Variants in FAM149A observed in about 807,000 individuals in gnomAD.
The protein encoded by FAM149A is family with sequence similarity 149 member A, also known as protein FAM149A.
Under a neutral mutation model 78.2 loss-of-function variants are expected in FAM149A, and 71 were observed. The observed-to-expected ratio is 0.91, with a 90% CI of 0.75 to 1.11. The LOEUF (loss-of-function observed/expected upper bound fraction) is 1.11, where lower values mean the gene tolerates loss of function less well. FAM149A is among the 50% of genes least tolerant of loss of function. The pLI is 0.00. For missense variants in FAM149A, 1,036 were observed against 971.0 expected (o/e 1.07, Z -0.89); for synonymous variants, 446 against 410.5 (o/e 1.09, Z -1.04).
intron 1 of FAM149A, among the ~76,000 whole-genome samples, chr4:186,145,586 A>G (rs1732974782): frequency 6.6e-6 from 1 of 152,202 alleles, no homozygotes; most frequent in Non-Finnish European, 1.5e-5. Flanking sequence ...ACTCTGGATG[A>G]TGATTTTCCT....
rs763087733 is a variant in FAM149A, at chr4:186,152,014, G to A, written c.901G>A (p.Gly301Arg). 15 of 1,613,968 alleles carry A rather than the reference G, an allele frequency of 9.3e-6. No homozygotes were observed. The highest frequency in any genetic ancestry group is 4.4e-5 in the South Asian group (4 of 91,072). The stretch of plus-strand genomic sequence containing the variant: ...GACCCAGAGTCTGCTGGCCGAATGC[G>A]GGGAGTGGACAAGAAGATCCCTCCA... Residue 301 changes from glycine to arginine, a missense_variant, in exon 4 of 14, where the codon GGG (glycine) becomes AGG (arginine). By Grantham distance (125) the Gly-to-Arg change is moderately radical. This residue lies in a region of FAM149A where 716 missense variants were observed against 711.8 expected (regional missense o/e 1.01). Coordinates refer to ENST00000389354, the MANE Select transcript of FAM149A (RefSeq NM_001367768.3).
intron 3 of FAM149A, among the ~76,000 whole-genome samples, chr4:186,151,556 G>C (rs1247752886): frequency 6.6e-6 from 1 of 152,216 alleles, no homozygotes; most frequent in Non-Finnish European, 1.5e-5. Context: ...GCCTGTGTTT[G>C]CAGACATACA....
chr4:186,125,279 T>C (rs1208413918), intron 1 of FAM149A: 2 of 985,316 alleles, frequency 2.0e-6, no homozygotes, highest in Admixed American at 1.2e-4. Context: ...TTTTGTGATA[T>C]GTGCCAGCCA....
At position 186,164,359 on chromosome 4, in the gene FAM149A, G is replaced by A. The variant is rs1466871209; in HGVS notation, c.1889+726G>A. On this transcript the variant is annotated intron_variant, in intron 10 of 13. Coordinates refer to ENST00000389354, the MANE Select transcript of FAM149A (RefSeq NM_001367768.3). The surrounding 1 kb of genome is among the most constrained non-coding windows in gnomAD (Gnocchi z 4.0). ...ATCCCCGCCAGGAAGAGGCCCAGCC[G>A]GACACACCCACAAGTGCTCTCAGGC... 10 of 517,876 alleles carry A rather than the reference G, an allele frequency of 1.9e-5. No individual in the cohort carries two copies. Among genetic ancestry groups the A allele is most frequent in the Non-Finnish European group, 2.5e-5 (10 of 402,918 alleles). The allele number at this position is 517,876 out of a possible 1,614,324, so 32.1% of individuals were successfully genotyped here.
chr4:186,108,885 T>C (rs1356543317), intron 1 of FAM149A, among the ~76,000 whole-genome samples: 1 of 151,212 alleles, frequency 6.6e-6, no homozygotes, highest in Non-Finnish European at 1.5e-5. Context: ...TCTTGCTCTG[T>C]CGCCCAGGCT....
Position 186,167,229 on chromosome 4 carries a change from G to T in FAM149A, c.2185G>T (p.Ala729Ser), listed in dbSNP as rs1327954255. 6.2e-7 allele frequency: 1 copy of T among 1,612,176 alleles called. No homozygotes were observed. The highest frequency in any genetic ancestry group is 1.7e-5 in the Admixed American group (1 of 60,008). ...TTCATTGACACAAATGGAATTTGCT[G>T]CTCACACATGGACAGGTCAAAGTAT... The change falls in exon 13 of 14, where the codon GCT becomes TCT. Residue 729 changes from alanine (A) to serine (S), a missense_variant. Around this residue, in one of 3 missense-constraint regions of FAM149A, gnomAD observed 716 missense variants for 711.8 expected, o/e 1.01. Coordinates refer to ENST00000389354, the MANE Select transcript of FAM149A (RefSeq NM_001367768.3).
chr4:186,153,743 C>T lies in FAM149A; in HGVS notation c.1031C>T (p.Ala344Val). The T allele has an allele frequency of 6.2e-7, 1 of 1,611,524 alleles. No homozygotes were observed. The highest frequency in any genetic ancestry group is 8.5e-7 in the Non-Finnish European group (1 of 1,177,918). The change falls in exon 5 of 14, where the codon GCC becomes GTC. Residue 344 changes from alanine to valine, a missense_variant. Physicochemically the swap from Ala to Val is moderately conservative, Grantham distance 64. Transcript: ENST00000389354. ...GCAGTCCACAGACCCCCGCTCAGTG[C>T]CTGCGGACACAGCAGCAACATCAGA... is the stretch of plus-strand genomic sequence containing the variant.
At chr4:186,128,850 G>A (rs994868191) in intron 1 of FAM149A, among the ~76,000 whole-genome samples, 2 of 151,386 alleles carry the variant, frequency 1.3e-5, no homozygotes, top group Admixed American at 1.3e-4. Flanking sequence ...TGTGTGTATG[G>A]TGTATGCATC....
At chr4:186,158,353 G>T (rs1288345332) in intron 8 of FAM149A, 5 of 1,202,010 alleles carry the variant, frequency 4.2e-6, no homozygotes, top group East Asian at 5.3e-5. Context: ...GTGCTGTGTG[G>T]AAGTCGCCAT....
Position 186,164,405 on chromosome 4 carries a change from C to T in FAM149A, c.1889+772C>T, listed in dbSNP as rs570743585. The T allele has an allele frequency of 1.1e-5, 11 of 961,900 alleles. No individual in the cohort carries two copies. The highest frequency in any genetic ancestry group is 6.1e-5 in the Admixed American group (1 of 16,264). 59.6% of individuals were successfully genotyped at this position (961,900 alleles called of 1,614,324 possible). The stretch of plus-strand genomic sequence containing the variant: ...CAGGCTTTAGAGACCACCCACTGGA[C>T]CCCCGGCCTGCAGGGGAGCTGTTAT... On this transcript the variant is annotated intron_variant, in intron 10 of 13. Coordinates refer to ENST00000389354, the MANE Select transcript of FAM149A (RefSeq NM_001367768.3). The surrounding 1 kb of genome is among the most constrained non-coding windows in gnomAD (Gnocchi z 4.0).
chr4:186,138,502 A>G (rs1010960927), intron 1 of FAM149A, among the ~76,000 whole-genome samples: 2 of 152,188 alleles, frequency 1.3e-5, no homozygotes, highest in African/African-American at 4.8e-5. Context: ...AACCGTCACC[A>G]CCAGTTTTCC....
intron 1 of FAM149A, among the ~76,000 whole-genome samples, chr4:186,106,114 C>T (rs183524199): frequency 1.3e-5 from 2 of 152,298 alleles, no homozygotes; most frequent in African/African-American, 2.4e-5. Flanking sequence ...TGGGATGGGT[C>T]TCCTTTGTGT....
chr4:186,129,367 AT>A (rs2099319649), intron 1 of FAM149A, among the ~76,000 whole-genome samples: 1 of 152,178 alleles, frequency 6.6e-6, no homozygotes, highest in African/African-American at 2.4e-5. Context: ...CCCATAAGGA[AT>A]TCATGAACTG....
intron 8 of FAM149A, chr4:186,158,021 G>T (rs745612854): frequency 4.6e-5 from 66 of 1,439,638 alleles, no homozygotes; most frequent in Non-Finnish European, 6.0e-5. Context: ...ACAAAAGGAC[G>T]GACCAGCGAT....
At chr4:186,167,297 AG>A (rs763378538) in intron 13 of FAM149A, 35 bp downstream of exon 13, 1 of 1,544,436 alleles carries the variant, frequency 6.5e-7, no homozygotes, top group South Asian at 1.1e-5. Flanking sequence ...AAAGTGATGT[AG>A]TAAGTGAGAT....
At chr4:186,139,974 C>T (rs2099325104) in intron 1 of FAM149A, among the ~76,000 whole-genome samples, 1 of 151,668 alleles carries the variant, frequency 6.6e-6, no homozygotes, top group Non-Finnish European at 1.5e-5. Flanking sequence ...TAATACTCCA[C>T]CTAACAAAAA....
In FAM149A at chr4:186,151,515, A is replaced by G. The variant is rs191584767; in HGVS notation, c.790-388A>G. Among the ~76,000 whole-genome samples the G allele has an allele frequency of 2.0e-3, 302 of 152,216 alleles. 1 individual carries two copies. The highest frequency in any genetic ancestry group is 5.8e-3 in the African/African-American group (239 of 41,528). ...AATCTTGTATTTTGCAGGTGTGCTTAGGTGTGTCAGGCACAGCTCTGTGAG... is the reference window on the plus strand; with the variant it reads ...AATCTTGTATTTTGCAGGTGTGCTTGGGTGTGTCAGGCACAGCTCTGTGAG... On this transcript the variant is annotated intron_variant, in intron 3 of 13. Coordinates refer to ENST00000389354, the MANE Select transcript of FAM149A (RefSeq NM_001367768.3).
At chr4:186,124,027 T>A (rs2099317194) in intron 1 of FAM149A, 1 of 984,826 alleles carries the variant, frequency 1.0e-6, no homozygotes, top group African/African-American at 1.7e-5. Flanking sequence ...ACACAGACAA[T>A]GAGAAACTTG....
chr4:186,149,778 T>C, intron 3 of FAM149A, 74 bp downstream of exon 3: 1 of 1,074,482 alleles, frequency 9.3e-7, no homozygotes. Flanking sequence ...ATATTCAAAA[T>C]TATTTTTACC....
Sources: gnomAD v4.1 joint callset for allele counts (sites outside exome capture counted in the v4.1 genomes callset) on GRCh38, gnomAD v4.1.1 for gene constraint, gnomAD v4.1.1 regional missense constraint, Gnocchi (gnomAD v3.1) non-coding constraint, MANE v1.5 for transcripts, NCBI Gene and HGNC (gene_info 2026-07-23, HGNC 2026-07-21) for gene names.